SLC24A2: variants seen among roughly 807,000 people sequenced by gnomAD.
SLC24A2 encodes the protein sodium/potassium/calcium exchanger 2.
A neutral mutation model predicts 62.0 loss-of-function variants in SLC24A2; 36 were observed. The observed-to-expected ratio is 0.58, with a 90% CI of 0.44 to 0.77. SLC24A2 has a LOEUF of 0.77. SLC24A2 is among the 30% of genes least tolerant of loss of function. The pLI is 0.00. For synonymous variants in SLC24A2, 358 were observed against 294.0 expected (o/e 1.22, Z -2.23); for missense variants, 846 against 817.9 (o/e 1.03, Z -0.42).
chr9:19,625,174 C>T (rs1818002509), intron 2 of SLC24A2, among the ~76,000 whole-genome samples: 1 of 152,062 alleles, frequency 6.6e-6, no homozygotes. Context: ...TCTTATGATG[C>T]ATTTTGCTTT....
the SLC24A2 span, among the ~76,000 whole-genome samples, chr9:19,797,064 T>G: frequency 2.6e-5 from 4 of 152,180 alleles, no homozygotes; most frequent in African/African-American, 9.6e-5. Context: ...CTTCTCTTGG[T>G]AAAAAGTCCT....
chr9:19,888,742 C>T, the SLC24A2 span, among the ~76,000 whole-genome samples: 1 of 152,108 alleles, frequency 6.6e-6, no homozygotes, highest in Admixed American at 6.5e-5. Context: ...TCTGCTGCCT[C>T]GGTGTCTAGT....
intron 5 of SLC24A2, among the ~76,000 whole-genome samples, chr9:19,582,182 A>G (rs1445284055): frequency 1.3e-5 from 2 of 152,212 alleles, no homozygotes; most frequent in Admixed American, 6.5e-5. Flanking sequence ...TCGAAAAACA[A>G]CCAGCAATCA....
chr9:19,682,772 C>A (rs1481741235), intron 2 of SLC24A2, among the ~76,000 whole-genome samples: 6 of 152,068 alleles, frequency 3.9e-5, no homozygotes, highest in African/African-American at 1.4e-4. Flanking sequence ...ATACATTCAT[C>A]ATGAAAACTA....
the SLC24A2 span, among the ~76,000 whole-genome samples, chr9:19,803,557 C>A: frequency 7.9e-5 from 12 of 152,026 alleles, no homozygotes; most frequent in Admixed American, 6.6e-4. Flanking sequence ...TTTAATGGGG[C>A]ACTATTTAAG....
At chr9:19,559,911 C>G (rs1835307346) in intron 7 of SLC24A2, among the ~76,000 whole-genome samples, 2 of 152,136 alleles carry the variant, frequency 1.3e-5, no homozygotes, top group Admixed American at 1.3e-4. Flanking sequence ...ATATGGGAGA[C>G]TGACCCATAA....
At chr9:19,627,836 T>C (rs753146689) in intron 2 of SLC24A2, among the ~76,000 whole-genome samples, 10 of 152,344 alleles carry the variant, frequency 6.6e-5, no homozygotes, top group Admixed American at 3.9e-4. Context: ...TCCCAGCCTA[T>C]CTACTTATGT....
intron 6 of SLC24A2, among the ~76,000 whole-genome samples, chr9:19,575,194 A>G (rs1393409662): frequency 6.6e-6 from 1 of 152,234 alleles, no homozygotes; most frequent in African/African-American, 2.4e-5. Context: ...CCAAGTTTTT[A>G]GTAGTGACAG....
At chr9:20,271,646 C>T in the SLC24A2 span, among the ~76,000 whole-genome samples, 6 of 152,250 alleles carry the variant, frequency 3.9e-5, no homozygotes, top group African/African-American at 1.4e-4. Context: ...GAAAGAAAAG[C>T]TCAAGCAAGA....
the SLC24A2 span, among the ~76,000 whole-genome samples, chr9:20,145,554 C>CT: frequency 4.6e-5 from 7 of 151,130 alleles, no homozygotes; most frequent in East Asian, 3.9e-4. Context: ...GAAAGGAGTT[C>CT]TTTTTTTTAA....
At chr9:19,609,160 G>A (rs532810932) in intron 4 of SLC24A2, among the ~76,000 whole-genome samples, 2 of 152,352 alleles carry the variant, frequency 1.3e-5, no homozygotes, top group East Asian at 3.9e-4. Flanking sequence ...ACATCCACCA[G>A]GGCGCTTGCC....
the SLC24A2 span, chr9:19,895,659 C>G: frequency 1.6e-6 from 1 of 632,844 alleles, no homozygotes; most frequent in Admixed American, 3.1e-5. Flanking sequence ...AGTCTGCTCC[C>G]CTGCAGGCTC....
At position 19,508,191 on chromosome 9, in the gene SLC24A2, G is replaced by A. The variant is rs900934166; in HGVS notation, c.*7962C>T. ...AGCAGAAGAAATATCAAGGCTAGAT[G>A]CAGGGTATATATGTGTACTTTGTGT... On this transcript the variant is annotated 3_prime_UTR_variant, in exon 11 of 11. Transcript: ENST00000341998. 6.6e-6 allele frequency: 1 copy of A among 152,148 alleles called. No homozygotes were observed. The highest frequency in any genetic ancestry group is 1.5e-5 in the Non-Finnish European group (1 of 68,016). 9.4% of individuals were successfully genotyped at this position (152,148 alleles called of 1,614,324 possible).
At chr9:20,196,925 T>C in the SLC24A2 span, among the ~76,000 whole-genome samples, 4 of 152,238 alleles carry the variant, frequency 2.6e-5, no homozygotes, top group Non-Finnish European at 5.9e-5. Flanking sequence ...AAATCATGCT[T>C]ATATTCTGAT....
At chr9:20,281,193 G>GGC in the SLC24A2 span, among the ~76,000 whole-genome samples, 1 of 152,118 alleles carries the variant, frequency 6.6e-6, no homozygotes, top group South Asian at 2.1e-4. Flanking sequence ...GCCTCCCAAA[G>GGC]TGCTGGGAAT....
At chr9:20,046,226 G>A in the SLC24A2 span, among the ~76,000 whole-genome samples, 1 of 152,218 alleles carries the variant, frequency 6.6e-6, no homozygotes, top group South Asian at 2.1e-4. Context: ...GGGGTGGCCA[G>A]CAAATATCTC....
chr9:19,731,516 C>CTCTCCGT (rs72153360), intron 2 of SLC24A2, among the ~76,000 whole-genome samples: 1,640 of 113,794 alleles, frequency 0.014, 30 homozygotes, highest in African/African-American at 0.037. Context: ...TCTCTCTCTC[C>CTCTCCGT]GTGTGTGTGT....
intron 2 of SLC24A2, among the ~76,000 whole-genome samples, chr9:19,663,126 G>A (rs1385666379): frequency 6.6e-6 from 1 of 152,182 alleles, no homozygotes; most frequent in Non-Finnish European, 1.5e-5. Context: ...ATAGGAAAGG[G>A]AAAGACAGAA....
chr9:19,782,833 A>G (rs901879630), intron 2 of SLC24A2, among the ~76,000 whole-genome samples: 2 of 152,188 alleles, frequency 1.3e-5, no homozygotes, highest in African/African-American at 4.8e-5. Flanking sequence ...CCAATTAGGA[A>G]ACTGAGGCTT....
Sources: allele counts gnomAD v4.1 joint callset (sites outside exome capture counted in the v4.1 genomes callset), GRCh38; gene constraint gnomAD v4.1.1; transcripts MANE v1.5; gene names NCBI Gene and HGNC (gene_info 2026-07-23, HGNC 2026-07-21).